CCDC171: variants seen among roughly 807,000 people sequenced by gnomAD.
CCDC171 encodes the protein coiled-coil domain containing 171.
A neutral mutation model predicts 168.2 loss-of-function variants in CCDC171; 177 were observed. That is an observed-to-expected ratio of 1.05 (90% CI 0.93 to 1.19). The LOEUF is 1.19. CCDC171 is among the 50% of genes most tolerant of loss of function. The pLI is 0.00. For missense variants in CCDC171, 1,991 were observed against 1,539.0 expected (o/e 1.29, Z -4.91); for synonymous variants, 687 against 540.8 (o/e 1.27, Z -3.75).
intron 7 of CCDC171, among the ~76,000 whole-genome samples, chr9:15,656,585 A>G (rs1339393434): frequency 6.6e-6 from 1 of 152,354 alleles, no homozygotes; most frequent in Non-Finnish European, 1.5e-5. Context: ...GCATGCAACC[A>G]CATGGATGGG....
intron 7 of CCDC171, among the ~76,000 whole-genome samples, chr9:15,637,716 G>A (rs191781225): frequency 6.1e-5 from 9 of 148,060 alleles, no homozygotes; most frequent in South Asian, 2.1e-4. Context: ...GAGAACATGC[G>A]GTGTTTGGTT....
At chr9:15,850,718 T>A (rs1348969700) in intron 23 of CCDC171, among the ~76,000 whole-genome samples, 1 of 151,928 alleles carries the variant, frequency 6.6e-6, no homozygotes, top group Non-Finnish European at 1.5e-5. Context: ...CCTCTGAAAG[T>A]CTCAGGAAGA....
At chr9:15,589,947 CAG>C (rs964505832) in intron 4 of CCDC171, among the ~76,000 whole-genome samples, 8 of 152,124 alleles carry the variant, frequency 5.3e-5, no homozygotes, top group African/African-American at 1.9e-4. Flanking sequence ...GATAACATCT[CAG>C]AACTAAAGGA....
At chr9:15,629,176 A>G (rs1380258961) in intron 7 of CCDC171, among the ~76,000 whole-genome samples, 1 of 152,192 alleles carries the variant, frequency 6.6e-6, no homozygotes, top group African/African-American at 2.4e-5. Flanking sequence ...ACAAAGCTGG[A>G]TGGAGAATGA....
intron 19 of CCDC171, among the ~76,000 whole-genome samples, chr9:15,778,663 A>AAAAAAAAC (rs2057483881): frequency 6.6e-6 from 1 of 150,718 alleles, no homozygotes; most frequent in Non-Finnish European, 1.5e-5. Flanking sequence ...AAAAAAAAAA[A>AAAAAAAAC]AAGGCATGAC....
chr9:15,601,683 C>A (rs1428386035), intron 6 of CCDC171, among the ~76,000 whole-genome samples: 4 of 152,130 alleles, frequency 2.6e-5, no homozygotes, highest in Admixed American at 2.6e-4. Flanking sequence ...TGCTGTAGTG[C>A]CACAGAAGAG....
intron 3 of CCDC171, among the ~76,000 whole-genome samples, chr9:15,979,985 T>G (rs1278195026): frequency 2.0e-5 from 3 of 152,062 alleles, no homozygotes; most frequent in African/African-American, 7.2e-5. Flanking sequence ...TAACATAAAA[T>G]TTACCATGTT....
intron 24 of CCDC171, among the ~76,000 whole-genome samples, chr9:15,902,209 A>T (rs566102702): frequency 6.6e-6 from 1 of 151,076 alleles, no homozygotes; most frequent in Non-Finnish European, 1.5e-5. Flanking sequence ...AGAATTATGG[A>T]CTTTTTTTCT....
At chr9:15,646,297 C>T (rs1466495902) in intron 7 of CCDC171, among the ~76,000 whole-genome samples, 1 of 152,102 alleles carries the variant, frequency 6.6e-6, no homozygotes, top group Non-Finnish European at 1.5e-5. Flanking sequence ...AAAAATATGC[C>T]AAATTGTAAA....
At position 15,571,733 on chromosome 9, in the gene CCDC171, G is replaced by C; in HGVS notation, c.151G>C (p.Glu51Gln). 1 of 1,588,938 alleles carries C rather than the reference G, an allele frequency of 6.3e-7. No individual in the cohort carries two copies. The highest frequency in any genetic ancestry group is 8.5e-7 in the Non-Finnish European group (1 of 1,173,832). The stretch of plus-strand genomic sequence containing the variant: ...CCATTGGGCTAAAAAAGAAAAGTTA[G>C]AAATAACAACCAAACACAATGCAGA... ...KLHWAKKEKL[E>Q]ITTKHNAELA... The change falls in exon 3 of 26, where the codon GAA (glutamate) becomes CAA (glutamine). Residue 51 changes from glutamate to glutamine, a missense_variant. Coordinates refer to ENST00000380701, the MANE Select transcript of CCDC171 (RefSeq NM_173550.4).
At chr9:16,104,709 C>A in the CCDC171 span, among the ~76,000 whole-genome samples, 3 of 151,700 alleles carry the variant, frequency 2.0e-5, no homozygotes, top group Non-Finnish European at 4.4e-5. Context: ...TTCACCCAAG[C>A]CTTCATTTAA....
intron 6 of CCDC171, among the ~76,000 whole-genome samples, chr9:15,599,352 C>A (rs2457263): frequency 0.54 from 81,278 of 151,132 alleles, 22,053 homozygotes; most frequent in East Asian, 0.75. Flanking sequence ...TGGTGGTGAC[C>A]AAATCTCTCA....
chr9:15,937,824 G>T (rs1827274526), intron 25 of CCDC171, among the ~76,000 whole-genome samples: 1 of 151,858 alleles, frequency 6.6e-6, no homozygotes, highest in African/African-American at 2.4e-5. Context: ...TTTCTACTGG[G>T]TAAACTCATT....
intron 6 of CCDC171, among the ~76,000 whole-genome samples, chr9:15,595,619 G>A (rs748037806): frequency 6.6e-6 from 1 of 152,170 alleles, no homozygotes; most frequent in Non-Finnish European, 1.5e-5. Flanking sequence ...ACATCTGCAT[G>A]TGTCTTTATA....
chr9:16,016,558 C>T (rs16933961), intron 3 of CCDC171, among the ~76,000 whole-genome samples: 2,715 of 152,202 alleles, frequency 0.018, 76 homozygotes, highest in African/African-American at 0.059. Flanking sequence ...CTTTGGTACA[C>T]GGATGAGGTC....
chr9:15,644,469 G>T (rs928043900), intron 7 of CCDC171, among the ~76,000 whole-genome samples: 6 of 152,136 alleles, frequency 3.9e-5, no homozygotes, highest in Non-Finnish European at 7.3e-5. Flanking sequence ...GAAGTGCAAG[G>T]GGTCAGGGAA....
At chr9:15,637,113 A>G (rs1283498812) in intron 7 of CCDC171, among the ~76,000 whole-genome samples, 1 of 151,956 alleles carries the variant, frequency 6.6e-6, no homozygotes, top group Admixed American at 6.6e-5. Context: ...AAAATTAGCC[A>G]GGCATGGTGG....
intron 3 of CCDC171, among the ~76,000 whole-genome samples, chr9:16,014,236 A>T (rs904905541): frequency 6.6e-6 from 1 of 152,252 alleles, no homozygotes; most frequent in African/African-American, 2.4e-5. Context: ...TCAAGAAACC[A>T]TTCTTCGCTC....
At chr9:15,675,672 C>G (rs1022260973) in intron 9 of CCDC171, among the ~76,000 whole-genome samples, 2 of 152,130 alleles carry the variant, frequency 1.3e-5, no homozygotes, top group Non-Finnish European at 2.9e-5. Context: ...GTTGAAAATT[C>G]TTTTCTTTAA....
Sources: allele counts gnomAD v4.1 joint callset (sites outside exome capture counted in the v4.1 genomes callset), GRCh38; gene constraint gnomAD v4.1.1; transcripts MANE v1.5; gene names NCBI Gene and HGNC (gene_info 2026-07-23, HGNC 2026-07-21).